The following NINJ2 variants were observed in gnomAD, a reference collection of about 807,000 sequenced individuals.
NINJ2 encodes the protein ninjurin-2.
NINJ2 carries 12 observed loss-of-function variants against 11.7 expected under a neutral mutation model. The observed-to-expected ratio is 1.02, with a 90% CI of 0.66 to 1.66. The LOEUF (loss-of-function observed/expected upper bound fraction) is 1.66, where lower values mean the gene tolerates loss of function less well. Ranked by LOEUF, NINJ2 falls within the 40% of genes most tolerant of loss-of-function variation. The pLI, the probability that NINJ2 is intolerant of heterozygous loss-of-function variation, is 0.00. For missense variants in NINJ2, 187 were observed against 181.8 expected (o/e 1.03, Z -0.16); for synonymous variants, 93 against 76.8 (o/e 1.21, Z -1.10).
chr12:572,686 A>G (rs1160077387), intron 1 of NINJ2, among the ~76,000 whole-genome samples: 2 of 152,160 alleles, frequency 1.3e-5, no homozygotes, highest in Non-Finnish European at 2.9e-5. Flanking sequence ...GGTTAAACAC[A>G]GGACATGAGT....
At chr12:647,208 C>T (rs1937700054) in intron 1 of NINJ2, among the ~76,000 whole-genome samples, 1 of 152,216 alleles carries the variant, frequency 6.6e-6, no homozygotes, top group South Asian at 2.1e-4. Flanking sequence ...CTCTTGCCTT[C>T]AGTAGCTCTC....
intron 1 of NINJ2, chr12:590,508 A>G (rs1319321045): frequency 6.6e-6 from 1 of 152,276 alleles, no homozygotes; most frequent in Non-Finnish European, 1.5e-5. Context: ...AATAGGACTC[A>G]GTTGATGAAC....
chr12:609,780 A>AAAAAAAAAAAAAAAAG (rs1948002917), intron 1 of NINJ2, among the ~76,000 whole-genome samples: 1 of 134,002 alleles, frequency 7.5e-6, no homozygotes, highest in Non-Finnish European at 1.6e-5. Context: ...CAAAAAAAAA[A>AAAAAAAAAAAAAAAAG]AAAAAAATAG....
intron 1 of NINJ2, among the ~76,000 whole-genome samples, chr12:571,674 G>T (rs1487175044): frequency 6.6e-6 from 1 of 152,212 alleles, no homozygotes; most frequent in African/African-American, 2.4e-5. Flanking sequence ...CTTAATCCTT[G>T]TTGGCCTATA....
intron 1 of NINJ2, among the ~76,000 whole-genome samples, chr12:576,987 A>C (rs1947470722): frequency 6.6e-6 from 1 of 152,144 alleles, no homozygotes; most frequent in Non-Finnish European, 1.5e-5. Context: ...CTCATCCCTC[A>C]GGGGCTAACA....
intron 1 of NINJ2, among the ~76,000 whole-genome samples, chr12:625,496 G>A (rs1948202464): frequency 6.6e-6 from 1 of 152,144 alleles, no homozygotes; most frequent in African/African-American, 2.4e-5. Flanking sequence ...TAATTTGGGA[G>A]TTCTCTGGAG....
In NINJ2 at chr12:628,391, C is replaced by A. The variant is rs551456101; in HGVS notation, c.33+34937G>T. ...TCCGTTCTTCTGCGTCTCCTCACAGCGTCACCTACAAGGGTCTGGCACACA... is the reference window on the plus strand; with the variant it reads ...TCCGTTCTTCTGCGTCTCCTCACAGAGTCACCTACAAGGGTCTGGCACACA... On this transcript the variant is annotated intron_variant, in intron 1 of 3. Coordinates refer to ENST00000305108, the MANE Select transcript of NINJ2 (RefSeq NM_016533.6). The surrounding 1 kb of genome is among the most constrained non-coding windows in gnomAD (Gnocchi z 4.4). Among the ~76,000 whole-genome samples the A allele has an allele frequency of 7.2e-5, 11 of 152,116 alleles. No homozygotes were observed. Among genetic ancestry groups the A allele is most frequent in the Non-Finnish European group, 1.5e-4 (10 of 67,986 alleles).
At chr12:618,453 C>T (rs1205037566) in intron 1 of NINJ2, among the ~76,000 whole-genome samples, 1 of 152,096 alleles carries the variant, frequency 6.6e-6, no homozygotes, top group East Asian at 1.9e-4. Context: ...GGCCCAGAGG[C>T]GTTTTAGGAC....
intron 1 of NINJ2, among the ~76,000 whole-genome samples, chr12:609,357 G>C (rs1947993592): frequency 1.3e-5 from 2 of 151,388 alleles, no homozygotes; most frequent in Non-Finnish European, 3.0e-5. Context: ...AGGTGCTGAA[G>C]GGGCCGCAAA....
intron 1 of NINJ2, among the ~76,000 whole-genome samples, chr12:656,674 G>A (rs1483017759): frequency 1.3e-5 from 2 of 151,558 alleles, no homozygotes; most frequent in Non-Finnish European, 2.9e-5. Context: ...GCTTGAACTT[G>A]GGAGGTGGAG....
intron 1 of NINJ2, among the ~76,000 whole-genome samples, chr12:604,334 C>T (rs376943733): frequency 7.9e-5 from 12 of 152,152 alleles, no homozygotes; most frequent in African/African-American, 2.4e-4. Context: ...ATGTCTTGGC[C>T]GAGCAATAGA....
At chr12:631,358 T>TTTTA (rs774337719) in intron 1 of NINJ2, among the ~76,000 whole-genome samples, 23 of 152,140 alleles carry the variant, frequency 1.5e-4, no homozygotes, top group Admixed American at 3.3e-4. Flanking sequence ...TTTGTTAAAT[T>TTTTA]TTTATTTATT....
rs752759919 is a variant in NINJ2, at chr12:621,679, T to C, written c.33+41649A>G. On this transcript the variant is annotated intron_variant, in intron 1 of 3. Coordinates refer to ENST00000305108, the MANE Select transcript of NINJ2 (RefSeq NM_016533.6). ...TAAAAATACAAAAATTAGCTGGGCATAGTGGCGTGTGCCTGTAGTCCCAGC... is the reference window on the plus strand; with the variant it reads ...TAAAAATACAAAAATTAGCTGGGCACAGTGGCGTGTGCCTGTAGTCCCAGC... Among the ~76,000 whole-genome samples the C allele has an allele frequency of 1.1e-3, 166 of 151,762 alleles. 1 individual carries two copies. In the Middle Eastern group the frequency reaches 0.044, roughly 40 times the overall value.
chr12:636,421 AT>A (rs1185055092), intron 1 of NINJ2, among the ~76,000 whole-genome samples: 1 of 144,996 alleles, frequency 6.9e-6, no homozygotes, highest in African/African-American at 2.5e-5. Context: ...AAATTAAAAA[AT>A]AAAAGAGTGA....
intron 1 of NINJ2, among the ~76,000 whole-genome samples, chr12:601,548 CAA>C (rs1170244744): frequency 7.1e-6 from 1 of 140,132 alleles, no homozygotes; most frequent in East Asian, 2.2e-4. Context: ...GACTCCGTCT[CAA>C]AAAAAAAAAA....
intron 1 of NINJ2, among the ~76,000 whole-genome samples, chr12:609,792 G>GA (rs146721758): frequency 0.078 from 9,635 of 123,888 alleles, 706 homozygotes; most frequent in Middle Eastern, 0.14. Context: ...AAAAAATAGG[G>GA]AAAACAACAA....
At chr12:616,909 A>T (rs999166181) in intron 1 of NINJ2, among the ~76,000 whole-genome samples, 4 of 151,552 alleles carry the variant, frequency 2.6e-5, no homozygotes, top group African/African-American at 9.7e-5. Context: ...CCAGTTCTTT[A>T]AAAAAAGTGT....
chr12:599,214 TCTA>T (rs1947831646), intron 1 of NINJ2, among the ~76,000 whole-genome samples: 1 of 151,784 alleles, frequency 6.6e-6, no homozygotes, highest in Admixed American at 6.6e-5. Flanking sequence ...AAACCTTGTC[TCTA>T]CTAAAAATAC....
intron 1 of NINJ2, among the ~76,000 whole-genome samples, chr12:641,844 CAA>C (rs10549771): frequency 0.33 from 38,052 of 116,494 alleles, 4,993 homozygotes; most frequent in Middle Eastern, 0.43. Context: ...GACTCCGTCT[CAA>C]AAAAAAAAAA....
Sources: gnomAD v4.1 joint callset for allele counts (sites outside exome capture counted in the v4.1 genomes callset) on GRCh38, gnomAD v4.1.1 for gene constraint, Gnocchi (gnomAD v3.1) non-coding constraint, MANE v1.5 for transcripts, NCBI Gene and HGNC (gene_info 2026-07-23, HGNC 2026-07-21) for gene names.